AGO4: variants seen among roughly 807,000 people sequenced by gnomAD.
AGO4 encodes argonaute RISC component 4.
In AGO4, 33 loss-of-function variants were observed where a neutral mutation model predicts 104.7. The ratio of observed to expected loss-of-function variants is 0.32; its 90% CI spans 0.24 to 0.42. The LOEUF is 0.42. AGO4 is among the 10% of genes least tolerant of loss of function. AGO4 has a pLI of 1.00. For synonymous variants in AGO4, 331 were observed against 364.7 expected, an observed-to-expected ratio of 0.91 and a Z score of 1.05; for missense variants, 711 against 1,083.4, an observed-to-expected ratio of 0.66 and a Z score of 4.83.
At chr1:35,834,496 T>C (rs1202012880) in intron 12 of AGO4, among the ~76,000 whole-genome samples, 1 of 152,020 alleles carries the variant, frequency 6.6e-6, no homozygotes, top group African/African-American at 2.4e-5. Flanking sequence ...GTGGGAGCAG[T>C]GGGGATGGGC....
intron 15 of AGO4, among the ~76,000 whole-genome samples, chr1:35,848,900 C>A (rs1644635977): frequency 6.6e-6 from 1 of 152,072 alleles, no homozygotes; most frequent in Admixed American, 6.6e-5. Flanking sequence ...CAGCTAGGAA[C>A]CCAAGATCAC....
chr1:35,839,966 C>CAAA (rs1193105845), intron 13 of AGO4, among the ~76,000 whole-genome samples: 4 of 88,978 alleles, frequency 4.5e-5, no homozygotes, highest in African/African-American at 8.0e-5. Context: ...GACCCTGTCT[C>CAAA]AAAAAAAAAA....
chr1:35,824,765 C>T (rs1162774965), intron 3 of AGO4, among the ~76,000 whole-genome samples: 5 of 152,100 alleles, frequency 3.3e-5, no homozygotes, highest in Non-Finnish European at 7.4e-5. Context: ...TGCACCACTG[C>T]ACTCCAGCTT....
chr1:35,825,240 C>T, intron 3 of AGO4, 73 bp from the exon 4 acceptor site: 1 of 1,459,150 alleles, frequency 6.9e-7, no homozygotes, highest in South Asian at 1.2e-5. Context: ...ATGTATCATA[C>T]TGCATATTCT....
intron 7 of AGO4, among the ~76,000 whole-genome samples, chr1:35,828,744 C>T (rs1644100540): frequency 6.6e-6 from 1 of 151,984 alleles, no homozygotes; most frequent in African/African-American, 2.4e-5. Flanking sequence ...TGATCTTGAA[C>T]CCCTGACCTC....
Position 35,808,369 on chromosome 1 carries a change from G to A in AGO4, c.-48G>A, listed in dbSNP as rs1475590541. 4.0e-5 allele frequency: 41 copies of A among 1,019,370 alleles called. No homozygotes were observed. The highest frequency in any genetic ancestry group is 4.7e-5 in the Non-Finnish European group (40 of 852,362). 63.1% of individuals were successfully genotyped at this position (1,019,370 alleles called of 1,614,324 possible). ...GGCGGCGGCGGCGGCGGCGGGGCCC[G>A]GAGCGGGAGGCGCCGGGGACCGGGG... On this transcript the variant is annotated 5_prime_UTR_variant, in exon 1 of 18. Coordinates refer to ENST00000373210, the MANE Select transcript of AGO4 (RefSeq NM_017629.4). This position sits in a 1 kb window ranked among gnomAD's most constrained non-coding sequence, Gnocchi z 5.2.
intron 7 of AGO4, among the ~76,000 whole-genome samples, chr1:35,829,743 G>A (rs909583576): frequency 6.6e-6 from 1 of 151,384 alleles, no homozygotes; most frequent in African/African-American, 2.4e-5. Flanking sequence ...CAGGTACTCG[G>A]GAGGCTGAGG....
intron 15 of AGO4, among the ~76,000 whole-genome samples, chr1:35,846,574 G>C (rs1644578794): frequency 6.8e-6 from 1 of 147,994 alleles, no homozygotes; most frequent in Non-Finnish European, 1.5e-5. Flanking sequence ...TCCAGCCTGG[G>C]AGACAGAGTG....
intron 1 of AGO4, among the ~76,000 whole-genome samples, chr1:35,812,512 A>G (rs2148647214): frequency 6.6e-6 from 1 of 152,352 alleles, no homozygotes; most frequent in East Asian, 1.9e-4. Flanking sequence ...TTTAAACTCA[A>G]AGTCGTATGT....
intron 3 of AGO4, among the ~76,000 whole-genome samples, chr1:35,824,712 G>A (rs1268384542): frequency 6.6e-6 from 1 of 151,878 alleles, no homozygotes; most frequent in Admixed American, 6.6e-5. Flanking sequence ...AAAGTGGGAG[G>A]ATCCCTTGAG....
chr1:35,853,547 C>G lies in AGO4; in HGVS notation c.2528C>G (p.Ala843Gly). ...CAGAGCAACGGCCGGGATCCTCAGG[C>G]CTTGGCTAAGGCTGTGCAAATCCAC... ...SGQSNGRDPQ[A>G]LAKAVQIHHD... Residue 843 changes from alanine to glycine, a missense_variant, in exon 18 of 18, where the codon GCC becomes GGC. Ala to Gly is a moderately conservative substitution (Grantham distance 60). Coordinates refer to ENST00000373210, the MANE Select transcript of AGO4 (RefSeq NM_017629.4). The G allele has an allele frequency of 6.2e-7, 1 of 1,613,908 alleles. No individual in the cohort carries two copies. Among genetic ancestry groups the G allele is most frequent in the Non-Finnish European group, 8.5e-7 (1 of 1,179,932 alleles).
chr1:35,850,173 A>G lies in AGO4; in HGVS notation c.2192A>G (p.Asn731Ser), dbSNP rs756854098. The G allele has an allele frequency of 7.6e-6, 12 of 1,577,900 alleles. No homozygotes were observed. Among genetic ancestry groups the G allele is most frequent in the Non-Finnish European group, 1.0e-5 (12 of 1,163,486 alleles). Residue 731 changes from asparagine (N) to serine (S), a missense_variant, in exon 16 of 18, where the codon AAT (asparagine) becomes AGT (serine). Asn to Ser is a conservative substitution (Grantham distance 46). This residue lies in a region of AGO4 where 401 missense variants were observed against 665.5 expected (regional missense o/e 0.60). Coordinates refer to ENST00000373210, the MANE Select transcript of AGO4 (RefSeq NM_017629.4). ...DKTERVGKSG[N>S]VPAGTTVDST... ...TTTTTGTAGGTAGGGAAAAGTGGCA[A>G]TGTACCAGCAGGCACTACAGTGGAT... is the stretch of plus-strand genomic sequence containing the variant.
intron 13 of AGO4, among the ~76,000 whole-genome samples, chr1:35,839,590 A>G (rs1644391217): frequency 1.3e-5 from 2 of 152,202 alleles, no homozygotes; most frequent in African/African-American, 2.4e-5. Context: ...AGTGCTTAGC[A>G]TAGTGGCTGG....
chr1:35,845,701 G>A (rs1644556700), intron 15 of AGO4, among the ~76,000 whole-genome samples: 1 of 152,098 alleles, frequency 6.6e-6, no homozygotes, highest in South Asian at 2.1e-4. Context: ...TTCAGCTCCT[G>A]ATTTGTACTC....
intron 15 of AGO4, among the ~76,000 whole-genome samples, chr1:35,849,220 C>T (rs1644643294): frequency 6.6e-6 from 1 of 152,072 alleles, no homozygotes; most frequent in South Asian, 2.1e-4. Context: ...GGTAAGAGAA[C>T]ATCACCTAAT....
chr1:35,847,810 A>G (rs1021328415), intron 15 of AGO4, among the ~76,000 whole-genome samples: 1 of 152,028 alleles, frequency 6.6e-6, no homozygotes, highest in Admixed American at 6.5e-5. Context: ...TAAACATGTT[A>G]ACAATTTTCT....
rs1644443300 is a variant in AGO4 at position 35,841,559 on chromosome 1, A to C, written c.2041-57A>C. The C allele has an allele frequency of 5.6e-6, 9 of 1,613,036 alleles. 1 individual carries two copies. In the Middle Eastern group the frequency reaches 8.3e-4, roughly 148 times the overall value. On this transcript the variant is annotated intron_variant, in intron 14 of 17. Coordinates refer to ENST00000373210, the MANE Select transcript of AGO4 (RefSeq NM_017629.4). The surrounding 1 kb of genome is among the most constrained non-coding windows in gnomAD (Gnocchi z 4.7). ...TCCTCTCATCTACCATTCTGGGTAG[A>C]TCTGAGAGATACTAGGCAAATTCTC...
chr1:35,822,943 CAT>C lies in AGO4; in HGVS notation c.268_269del (p.Met90ValfsTer12). On this transcript the variant is annotated frameshift_variant, in exon 3 of 18. Transcript: ENST00000373210. LOFTEE classifies it high-confidence loss of function. ...RQPGYDGKRN[M>X]YTAHPLPIGR... is the part of the protein sequence containing the mutation. ...AGCCTGGGTATGATGGCAAAAGAAA[CAT>C]GTACACAGCACATCCACTACCAATT... The C allele has an allele frequency of 6.2e-7, 1 of 1,613,980 alleles. No individual in the cohort carries two copies. Among genetic ancestry groups the C allele is most frequent in the South Asian group, 1.1e-5 (1 of 91,084 alleles).
intron 7 of AGO4, among the ~76,000 whole-genome samples, chr1:35,829,534 T>C (rs1644123924): frequency 6.6e-6 from 1 of 151,906 alleles, no homozygotes; most frequent in Admixed American, 6.6e-5. Context: ...GCTGTGGCAG[T>C]TAAGAAAAGA....
Sources: gnomAD v4.1 joint callset for allele counts (sites outside exome capture counted in the v4.1 genomes callset) on GRCh38, gnomAD v4.1.1 for gene constraint, gnomAD v4.1.1 regional missense constraint, Gnocchi (gnomAD v3.1) non-coding constraint, MANE v1.5 for transcripts, NCBI Gene and HGNC (gene_info 2026-07-23, HGNC 2026-07-21) for gene names.